NUP54: variants seen among roughly 807,000 people sequenced by gnomAD.
The protein encoded by NUP54 is nucleoporin p54.
Under a neutral mutation model 66.4 loss-of-function variants are expected in NUP54, and 27 were observed. The observed-to-expected ratio is 0.41, with a 90% CI of 0.30 to 0.56. The LOEUF is 0.56. Ranked by LOEUF, NUP54 falls within the 20% of genes least tolerant of loss-of-function variation. The probability of loss-of-function intolerance (pLI) is 0.34; values close to 1 mark genes in which losing one functional copy is unlikely to be tolerated. For synonymous variants in NUP54, 206 were observed against 210.7 expected, an observed-to-expected ratio of 0.98 and a Z score of 0.19; for missense variants, 486 against 596.3, an observed-to-expected ratio of 0.82 and a Z score of 1.93.
chr4:76,124,600 T>C, intron 9 of NUP54, 49 bp downstream of exon 9: 1 of 739,320 alleles, frequency 1.4e-6, no homozygotes, highest in Non-Finnish European at 2.3e-6. Flanking sequence ...GTACATTATT[T>C]CACACACATA....
chr4:76,144,623 A>G (rs747068464), intron 1 of NUP54, 150 bp from the exon 2 acceptor site: 38 of 591,248 alleles, frequency 6.4e-5, no homozygotes, highest in Non-Finnish European at 1.0e-4. Flanking sequence ...CAATTTTTTA[A>G]AAAACTATAC....
intron 5 of NUP54, among the ~76,000 whole-genome samples, chr4:76,132,999 C>A (rs1560685716): frequency 6.6e-6 from 1 of 150,766 alleles, no homozygotes. Context: ...AGCTGCACAC[C>A]CGCTACGTTT....
intron 8 of NUP54, among the ~76,000 whole-genome samples, chr4:76,125,653 A>G (rs1578672875): frequency 4.1e-5 from 1 of 24,604 alleles, no homozygotes; most frequent in Non-Finnish European, 6.5e-5. Flanking sequence ...AGAGGGGGAG[A>G]GGGAGAGAGG....
At position 76,117,715 on chromosome 4, in the gene NUP54, T is replaced by C; in HGVS notation, c.1344A>G (p.Arg448=). The C allele has an allele frequency of 6.2e-7, 1 of 1,614,062 alleles. No homozygotes were observed. The highest frequency in any genetic ancestry group is 8.5e-7 in the Non-Finnish European group (1 of 1,179,948). The change falls in exon 11 of 12, where the codon AGA becomes AGG. Residue 448 remains arginine, a synonymous_variant. Transcript: ENST00000264883. ...CATCTATGTAATACCTTTCTTCAGA[T>C]CTGACTGCTCCAAAATGATTCTGCA... ...IRMQNHFGAV[R]SEERYYIDAD...
At chr4:76,140,354 C>T (rs1269701782) in intron 3 of NUP54, among the ~76,000 whole-genome samples, 3 of 147,398 alleles carry the variant, frequency 2.0e-5, no homozygotes, top group Non-Finnish European at 4.4e-5. Context: ...GGTGCGATCT[C>T]AGCTCACTGC....
chr4:76,137,831 T>C (rs1239668392), intron 3 of NUP54, among the ~76,000 whole-genome samples: 1 of 152,238 alleles, frequency 6.6e-6, no homozygotes, highest in Non-Finnish European at 1.5e-5. Flanking sequence ...TGTACTTAAT[T>C]TCAATTACCT....
chr4:76,145,175 G>C (rs371286592), intron 1 of NUP54, among the ~76,000 whole-genome samples: 1 of 151,352 alleles, frequency 6.6e-6, no homozygotes, highest in Non-Finnish European at 1.5e-5. Context: ...AAAATTAGCC[G>C]GGCGTGGCGG....
At chr4:76,118,814 C>A (rs527782267) in intron 9 of NUP54, among the ~76,000 whole-genome samples, 34 of 151,992 alleles carry the variant, frequency 2.2e-4, no homozygotes, top group African/African-American at 7.7e-4. Context: ...ACCATCCTGG[C>A]TAACATGATG....
chr4:76,134,388 T>TA, intron 4 of NUP54, 26 bp from the exon 5 acceptor site: 1 of 1,569,668 alleles, frequency 6.4e-7, no homozygotes, highest in Non-Finnish European at 8.7e-7. Context: ...ATAAACAATA[T>TA]AAAAAATATG....
chr4:76,134,936 G>C (rs1362650035), intron 4 of NUP54, among the ~76,000 whole-genome samples: 1 of 152,030 alleles, frequency 6.6e-6, no homozygotes, highest in African/African-American at 2.4e-5. Flanking sequence ...AAGTAGGCTA[G>C]GCTAGGCTAT....
At chr4:76,131,038 C>CTT (rs80137978) in intron 7 of NUP54, among the ~76,000 whole-genome samples, 192 bp downstream of exon 7, 14 of 151,570 alleles carry the variant, frequency 9.2e-5, no homozygotes, top group Admixed American at 7.2e-4. Context: ...TTACCATAAT[C>CTT]TTTTTTTTTC....
intron 1 of NUP54, chr4:76,147,528 A>G: frequency 7.8e-7 from 1 of 1,289,696 alleles, no homozygotes; most frequent in Non-Finnish European, 1.0e-6. Flanking sequence ...CCGAGGTAGT[A>G]GAAACACCGA....
intron 1 of NUP54, among the ~76,000 whole-genome samples, chr4:76,147,064 T>C (rs1386330018): frequency 6.6e-6 from 1 of 152,208 alleles, no homozygotes; most frequent in Non-Finnish European, 1.5e-5. Context: ...ATAAGACTTG[T>C]TTCTCTTTGG....
intron 8 of NUP54, among the ~76,000 whole-genome samples, chr4:76,130,132 C>T (rs1166657045): frequency 1.3e-5 from 2 of 151,422 alleles, no homozygotes; most frequent in Non-Finnish European, 2.9e-5. Flanking sequence ...AGGCGTGCAC[C>T]ACGACACCCA....
chr4:76,143,288 C>G (rs1560692570), intron 3 of NUP54, among the ~76,000 whole-genome samples: 1 of 152,176 alleles, frequency 6.6e-6, no homozygotes, highest in Admixed American at 6.5e-5. Context: ...GATAAATGAT[C>G]TGTTTTCTTC....
intron 7 of NUP54, 65 bp downstream of exon 7, chr4:76,131,165 C>G (rs1246614840): frequency 2.2e-6 from 2 of 928,560 alleles, no homozygotes; most frequent in Admixed American, 2.0e-5. Context: ...ATTAATAGCT[C>G]CCATGTTTGC....
chr4:76,143,212 A>C (rs12641529), intron 3 of NUP54, among the ~76,000 whole-genome samples: 24,335 of 152,238 alleles, frequency 0.16, 3,021 homozygotes, highest in African/African-American at 0.34. Context: ...TACAGAGAAC[A>C]AAGGAATGTG....
At chr4:76,126,627 T>C (rs1730549085) in intron 8 of NUP54, among the ~76,000 whole-genome samples, 2 of 151,244 alleles carry the variant, frequency 1.3e-5, no homozygotes. Flanking sequence ...TATTAACAAA[T>C]ACTAAAACCA....
intron 4 of NUP54, 116 bp from the exon 5 acceptor site, chr4:76,134,478 T>TA (rs1280466183): frequency 4.8e-6 from 4 of 829,924 alleles, no homozygotes; most frequent in Admixed American, 3.0e-5. Context: ...GTCTGGTAAT[T>TA]AAGGGAATAA....
Sources: allele counts gnomAD v4.1 joint callset (sites outside exome capture counted in the v4.1 genomes callset), GRCh38; gene constraint gnomAD v4.1.1; transcripts MANE v1.5; gene names NCBI Gene and HGNC (gene_info 2026-07-23, HGNC 2026-07-21).